CCDC152: variants seen among roughly 807,000 people sequenced by gnomAD.
CCDC152 encodes coiled-coil domain containing 152.
A neutral mutation model predicts 38.1 loss-of-function variants in CCDC152; 37 were observed. That is an observed-to-expected ratio of 0.97 (90% CI 0.75 to 1.28). The LOEUF (loss-of-function observed/expected upper bound fraction) is 1.28. CCDC152 is among the 50% of genes most tolerant of loss of function. CCDC152 has a pLI of 0.00. For synonymous variants in CCDC152, 83 were observed against 87.1 expected (o/e 0.95, Z 0.26); for missense variants, 259 against 292.1 (o/e 0.89, Z 0.83).
rs201386297 is a variant in CCDC152, at chr5:42,799,141, G to GA, written c.559-224dup. ...AGGCATTTGGTACTTTAGAAACAAA[G>GA]AAAAAAAAAACCTCTCCAGGTAATT... On this transcript the variant is annotated intron_variant, in intron 7 of 8. Coordinates refer to ENST00000361970, the MANE Select transcript of CCDC152 (RefSeq NM_001134848.2). 2.8e-4 allele frequency among the ~76,000 whole-genome samples: 41 copies of GA among 148,374 alleles called. 1 individual carries two copies. The highest frequency in any genetic ancestry group is 1.5e-3 in the South Asian group (7 of 4,652).
intron 1 of CCDC152, among the ~76,000 whole-genome samples, chr5:42,758,253 T>G (rs1315292697): frequency 1.3e-5 from 2 of 152,192 alleles, no homozygotes; most frequent in African/African-American, 2.4e-5. Context: ...TGTCAAGCAA[T>G]ATCTGTTTTG....
intron 2 of CCDC152, among the ~76,000 whole-genome samples, chr5:42,761,730 T>C (rs1309246506): frequency 6.6e-6 from 1 of 152,242 alleles, no homozygotes; most frequent in Non-Finnish European, 1.5e-5. Context: ...ATATGATTTC[T>C]TTCTATAGCT....
Position 42,796,949 on chromosome 5 carries a change from A to G in CCDC152, c.551A>G (p.Gln184Arg). The G allele has an allele frequency of 6.6e-7, 1 of 1,518,762 alleles. No individual in the cohort carries two copies. The highest frequency in any genetic ancestry group is 8.8e-7 in the Non-Finnish European group (1 of 1,135,580). The allele number at this position is 1,518,762 out of a possible 1,614,324, so 94.1% of individuals were successfully genotyped here. A position where few individuals can be genotyped will look rare whatever the true frequency, so the allele number is the denominator to read the frequency against. ...KEKQNEIIKLQLEFDAKLARV... is the reference protein window; with the variant it reads ...KEKQNEIIKLRLEFDAKLARV... ...AAACAAAATGAAATAATCAAGCTACAACTAGAAGTAAGTGTTTAAGAGTCT... is the reference window on the plus strand; with the variant it reads ...AAACAAAATGAAATAATCAAGCTACGACTAGAAGTAAGTGTTTAAGAGTCT... The change falls in exon 7 of 9, where the codon CAA (glutamine) becomes CGA (arginine). Residue 184 changes from glutamine to arginine, a missense_variant. Coordinates refer to ENST00000361970, the MANE Select transcript of CCDC152 (RefSeq NM_001134848.2).
Position 42,801,215 on chromosome 5 carries a change from G to C in CCDC152, c.*1434G>C. ...TCTCTGAAAGCTCACTGCTGCCAAG[G>C]TGCTGATGTCCATGATTGTGATGAT... is the stretch of plus-strand genomic sequence containing the variant. On this transcript the variant is annotated 3_prime_UTR_variant, in exon 9 of 9. Coordinates refer to ENST00000361970, the MANE Select transcript of CCDC152 (RefSeq NM_001134848.2). 1 of 1,614,078 alleles carries C rather than the reference G, an allele frequency of 6.2e-7. No homozygotes were observed. The highest frequency in any genetic ancestry group is 8.5e-7 in the Non-Finnish European group (1 of 1,180,016).
chr5:42,775,954 G>C (rs1759764041), intron 4 of CCDC152, among the ~76,000 whole-genome samples: 1 of 150,138 alleles, frequency 6.7e-6, no homozygotes, highest in Admixed American at 6.6e-5. Flanking sequence ...TAATGGATTT[G>C]CTAAGAAAGA....
intron 3 of CCDC152, among the ~76,000 whole-genome samples, chr5:42,764,471 T>TA (rs748528449): frequency 4.0e-5 from 6 of 151,120 alleles, no homozygotes; most frequent in East Asian, 1.9e-4. Context: ...CAAAGACACA[T>TA]AAAAAAAAAT....
intron 5 of CCDC152, among the ~76,000 whole-genome samples, chr5:42,780,419 T>C (rs771730818): frequency 1.3e-5 from 2 of 152,294 alleles, no homozygotes; most frequent in African/African-American, 2.4e-5. Flanking sequence ...CCCCCTTTCT[T>C]TTCCTTTTTC....
intron 4 of CCDC152, among the ~76,000 whole-genome samples, chr5:42,775,269 A>G (rs1759756225): frequency 6.6e-6 from 1 of 152,136 alleles, no homozygotes; most frequent in African/African-American, 2.4e-5. Context: ...ACCCATAGGC[A>G]TGTCATATTC....
intron 4 of CCDC152, among the ~76,000 whole-genome samples, chr5:42,777,935 A>G (rs1031930439): frequency 6.6e-6 from 1 of 152,140 alleles, no homozygotes; most frequent in Non-Finnish European, 1.5e-5. Context: ...CAATAGTTTC[A>G]TAAGTGGACT....
chr5:42,762,297 T>C, intron 2 of CCDC152, 146 bp from the exon 3 acceptor site: 1 of 534,044 alleles, frequency 1.9e-6, no homozygotes, highest in East Asian at 3.2e-5. Context: ...AAAATGTCTT[T>C]ATGCAGTACA....
At chr5:42,798,657 T>TTTCA (rs1760113901) in intron 7 of CCDC152, among the ~76,000 whole-genome samples, 1 of 152,208 alleles carries the variant, frequency 6.6e-6, no homozygotes, top group African/African-American at 2.4e-5. Flanking sequence ...CCTTATTTGT[T>TTTCA]TTCATTGTAC....
At chr5:42,792,510 C>A (rs1162036547) in intron 6 of CCDC152, among the ~76,000 whole-genome samples, 2 of 152,160 alleles carry the variant, frequency 1.3e-5, no homozygotes, top group East Asian at 3.8e-4. Flanking sequence ...TAATGTCTTG[C>A]AAGGCATTCC....
Position 42,796,835 on chromosome 5 carries a change from T to A in CCDC152, c.437T>A (p.Leu146Ter). 1 of 1,439,146 alleles carries A rather than the reference T, an allele frequency of 6.9e-7. No homozygotes were observed. The highest frequency in any genetic ancestry group is 9.2e-7 in the Non-Finnish European group (1 of 1,084,700). The allele number at this position is 1,439,146 out of a possible 1,614,324, so 89.1% of individuals were successfully genotyped here. ...LYQDMQRKVELNEEKHKELIE... is the reference protein window; with the variant it reads ...LYQDMQRKVE ...TTTATTTCATTTTATTCAGTTGAAT[T>A]AAATGAAGAAAAGCACAAAGAACTA... Residue 146 changes from leucine (L) to a stop codon, truncating the protein, a stop_gained, in exon 7 of 9, where the codon TTA (leucine) becomes TAA (stop). Transcript: ENST00000361970. LOFTEE classifies it high-confidence loss of function.
intron 2 of CCDC152, among the ~76,000 whole-genome samples, chr5:42,760,806 A>T (rs1759542336): frequency 6.6e-6 from 1 of 152,230 alleles, no homozygotes; most frequent in Non-Finnish European, 1.5e-5. Context: ...TAACCGAGTG[A>T]TTCCTAACAT....
intron 6 of CCDC152, among the ~76,000 whole-genome samples, chr5:42,790,907 A>AT (rs1759990108): frequency 6.6e-6 from 1 of 152,176 alleles, no homozygotes; most frequent in Admixed American, 6.5e-5. Context: ...TGGAGATCTA[A>AT]TAGGTGCATT....
At chr5:42,764,554 T>C (rs1759600302) in intron 3 of CCDC152, among the ~76,000 whole-genome samples, 2 of 152,074 alleles carry the variant, frequency 1.3e-5, no homozygotes, top group Non-Finnish European at 1.5e-5. Flanking sequence ...AATTCAACAA[T>C]ACATTAGAAA....
At chr5:42,776,868 A>G (rs183902507) in intron 4 of CCDC152, among the ~76,000 whole-genome samples, 4 of 152,332 alleles carry the variant, frequency 2.6e-5, no homozygotes, top group African/African-American at 9.6e-5. Context: ...GAACTAAATA[A>G]AAATACAATT....
At chr5:42,793,402 G>A (rs772576034) in intron 6 of CCDC152, among the ~76,000 whole-genome samples, 3 of 151,992 alleles carry the variant, frequency 2.0e-5, no homozygotes, top group Non-Finnish European at 1.5e-5. Flanking sequence ...CAAACTATAC[G>A]CCTCAAAAGA....
At chr5:42,757,195 T>G (rs1339341189) in intron 1 of CCDC152, among the ~76,000 whole-genome samples, 3 of 152,148 alleles carry the variant, frequency 2.0e-5, no homozygotes, top group East Asian at 3.9e-4. Context: ...CCCCCATCCT[T>G]TATTTCTGCT....
Sources: allele counts gnomAD v4.1 joint callset (sites outside exome capture counted in the v4.1 genomes callset), GRCh38; gene constraint gnomAD v4.1.1; transcripts MANE v1.5; gene names NCBI Gene and HGNC (gene_info 2026-07-23, HGNC 2026-07-21).